Variants in CELF2 observed in about 807,000 individuals in gnomAD.
CELF2 encodes the protein CUG triplet repeat RNA-binding protein 2.
Under a neutral mutation model 62.6 loss-of-function variants are expected in CELF2, and 8 were observed. That is an observed-to-expected ratio of 0.13 (90% confidence interval 0.07 to 0.23). CELF2 has a LOEUF of 0.23. Among genes scored for constraint, CELF2 ranks in the 10% least tolerant of loss-of-function variants. The pLI is 1.00. For synonymous variants in CELF2, 258 were observed against 250.0 expected (o/e 1.03, Z -0.30); for missense variants, 333 against 671.0 (o/e 0.50, Z 5.56).
chr10:11,092,143 G>T (rs1200935175), intron 1 of CELF2: 2 of 152,162 alleles, frequency 1.3e-5, no homozygotes, highest in Non-Finnish European at 2.9e-5. Flanking sequence ...ACAGGCCTCT[G>T]AAGGGCCCCA....
rs1239151687 is a variant in CELF2, at chr10:11,336,230, ACAAT to A, written c.*7180_*7183del. ...TAAGTGAATAAAACATTGTGACCAA[ACAAT>A]CAGCTTATTCACTTATCAGGAATCG... is the stretch of plus-strand genomic sequence containing the variant. On this transcript the variant is annotated 3_prime_UTR_variant, in exon 13 of 13. Transcript: ENST00000633077. The surrounding 1 kb of genome is among the most constrained non-coding windows in gnomAD (Gnocchi z 5.4). The A allele has an allele frequency of 2.0e-5, 3 of 152,768 alleles. No individual in the cohort carries two copies. Among genetic ancestry groups the A allele is most frequent in the South Asian group, 2.1e-4 (1 of 4,828 alleles). The allele number at this position is 152,768 out of a possible 1,614,324, so 9.5% of individuals were successfully genotyped here.
chr10:11,148,479 C>G (rs914610104), intron 1 of CELF2, among the ~76,000 whole-genome samples: 1 of 152,144 alleles, frequency 6.6e-6, no homozygotes, highest in Non-Finnish European at 1.5e-5. Flanking sequence ...GAAGCTGAGA[C>G]GCATCCAGTG....
At chr10:10,620,582 G>A in the CELF2 span, among the ~76,000 whole-genome samples, 1 of 151,942 alleles carries the variant, frequency 6.6e-6, no homozygotes, top group African/African-American at 2.4e-5. Context: ...GAAATGGCCG[G>A]TAGACAATCC....
At chr10:10,754,806 C>T in the CELF2 span, among the ~76,000 whole-genome samples, 438 of 152,316 alleles carry the variant, frequency 2.9e-3, no homozygotes, top group Non-Finnish European at 4.3e-3. Context: ...CTCCATGCTC[C>T]AAGGCCTCTC....
intron 2 of CELF2, among the ~76,000 whole-genome samples, chr10:10,958,283 T>C (rs1045292072): frequency 2.6e-5 from 4 of 152,194 alleles, no homozygotes; most frequent in Admixed American, 6.5e-5. Flanking sequence ...CTGGGATCTA[T>C]CCTCAGAAGT....
rs1052355057 is a variant in CELF2 at position 11,217,380 on chromosome 10, A to G, written c.272-45A>G. On this transcript the variant is annotated intron_variant, in intron 2 of 12. Transcript: ENST00000633077. The surrounding 1 kb of genome is among the most constrained non-coding windows in gnomAD (Gnocchi z 5.6). The stretch of plus-strand genomic sequence containing the variant: ...CCACAGTCTCCATTATATCTAAGCA[A>G]AGCATTCACAGAAATTTCTAAAACC... 1.5e-6 allele frequency: 2 copies of G among 1,371,602 alleles called. No individual in the cohort carries two copies. Among genetic ancestry groups the G allele is most frequent in the Non-Finnish European group, 2.1e-6 (2 of 966,206 alleles). The allele number at this position is 1,371,602 out of a possible 1,614,324, so 85.0% of individuals were successfully genotyped here. A position where few individuals can be genotyped will look rare whatever the true frequency, so the allele number is the denominator to read the frequency against.
At chr10:10,638,635 T>A in the CELF2 span, among the ~76,000 whole-genome samples, 1 of 152,204 alleles carries the variant, frequency 6.6e-6, no homozygotes, top group East Asian at 1.9e-4. Context: ...ATGTTTTAGA[T>A]GTGGGTGCTT....
the CELF2 span, among the ~76,000 whole-genome samples, chr10:10,616,295 G>GGTGTGTGTGTGT: frequency 7.0e-6 from 1 of 143,866 alleles, no homozygotes; most frequent in African/African-American, 2.6e-5. Flanking sequence ...TTTTGTTTGG[G>GGTGTGTGTGTGT]GTGTGTGTGT....
At chr10:11,238,983 C>CT (rs1487466666) in intron 3 of CELF2, among the ~76,000 whole-genome samples, 1 of 152,124 alleles carries the variant, frequency 6.6e-6, no homozygotes, top group Non-Finnish European at 1.5e-5. Flanking sequence ...TGTACCTTCT[C>CT]TTGTTTGGTG....
chr10:10,703,193 T>C, the CELF2 span, among the ~76,000 whole-genome samples: 1 of 152,250 alleles, frequency 6.6e-6, no homozygotes, highest in African/African-American at 2.4e-5. Flanking sequence ...CGGGGAACTG[T>C]TCTAAGCACT....
At chr10:11,062,091 C>T (rs772712562) in intron 1 of CELF2, among the ~76,000 whole-genome samples, 9 of 152,316 alleles carry the variant, frequency 5.9e-5, no homozygotes, top group South Asian at 2.1e-4. Flanking sequence ...GGATTACAGG[C>T]GTGAGCCTGG....
chr10:11,229,070 G>A (rs2067669807), intron 3 of CELF2, among the ~76,000 whole-genome samples: 1 of 152,180 alleles, frequency 6.6e-6, no homozygotes, highest in Non-Finnish European at 1.5e-5. Context: ...GAGGAAGCTG[G>A]AGCCCAGGAA....
chr10:11,300,101 G>T lies in CELF2; in HGVS notation c.976+11549G>T, dbSNP rs2093579984. ...ATTAGGCCGGGTAGGGAGGCACCCT[G>T]GTTTATTGACAACCCATGAAGTAGA... On this transcript the variant is annotated intron_variant, in intron 9 of 12. Coordinates refer to ENST00000633077, the MANE Select transcript of CELF2 (RefSeq NM_001326342.2). The surrounding 1 kb of genome is among the most constrained non-coding windows in gnomAD (Gnocchi z 5.5). Among the ~76,000 whole-genome samples, 1 of 152,120 alleles carries T rather than the reference G, an allele frequency of 6.6e-6. No homozygotes were observed. The highest frequency in any genetic ancestry group is 2.4e-5 in the African/African-American group (1 of 41,398).
the CELF2 span, among the ~76,000 whole-genome samples, chr10:10,536,372 A>C: frequency 6.6e-6 from 1 of 152,206 alleles, no homozygotes; most frequent in Admixed American, 6.5e-5. Flanking sequence ...TACTTTCCAC[A>C]AACACAGTTT....
the CELF2 span, among the ~76,000 whole-genome samples, chr10:10,752,730 T>C: frequency 9.8e-6 from 1 of 102,032 alleles, no homozygotes; most frequent in Non-Finnish European, 2.0e-5. Flanking sequence ...AAAAAAAAGA[T>C]ATTCCAGAGA....
chr10:10,622,346 C>T, the CELF2 span, among the ~76,000 whole-genome samples: 1,305 of 152,254 alleles, frequency 8.6e-3, 6 homozygotes, highest in South Asian at 0.037. Flanking sequence ...TGGTGGCTCA[C>T]GCCTGTAATC....
At chr10:10,913,379 CTTTTTTTTTT>C (rs34163796) in intron 1 of CELF2, among the ~76,000 whole-genome samples, 1 of 57,360 alleles carries the variant, frequency 1.7e-5, no homozygotes, top group Non-Finnish European at 2.9e-5. Flanking sequence ...GTAATGATGT[CTTTTTTTTTT>C]TTTTTTTTTT....
chr10:10,502,135 T>A, the CELF2 span, among the ~76,000 whole-genome samples: 7 of 152,118 alleles, frequency 4.6e-5, no homozygotes, highest in Non-Finnish European at 1.0e-4. Context: ...ATATAATTCT[T>A]CATATATATT....
chr10:10,843,500 C>A (rs776633928), intron 1 of CELF2, among the ~76,000 whole-genome samples: 1 of 151,646 alleles, frequency 6.6e-6, no homozygotes, highest in Non-Finnish European at 1.5e-5. Flanking sequence ...TGTTACTGAT[C>A]TATAATTTAA....
Sources: allele counts gnomAD v4.1 joint callset (sites outside exome capture counted in the v4.1 genomes callset), GRCh38; gene constraint gnomAD v4.1.1; non-coding constraint Gnocchi (gnomAD v3.1); transcripts MANE v1.5; gene names NCBI Gene and HGNC (gene_info 2026-07-23, HGNC 2026-07-21).